Variants in RELN observed in about 807,000 individuals in gnomAD.
The protein encoded by RELN is reelin.
A neutral mutation model predicts 427.6 loss-of-function variants in RELN; 108 were observed. The ratio of observed to expected loss-of-function variants is 0.25; its 90% confidence interval spans 0.22 to 0.30. The LOEUF (loss-of-function observed/expected upper bound fraction) is 0.30, where lower values mean the gene tolerates loss of function less well. RELN is among the 10% of genes least tolerant of loss of function. The pLI, the probability that RELN is intolerant of heterozygous loss-of-function variation, is 1.00. For missense variants in RELN, 3,715 were observed against 4,302.8 expected (o/e 0.86, Z 3.82); for synonymous variants, 1,524 against 1,513.4 (o/e 1.01, Z -0.16).
chr7:103,861,168 T>C (rs1381811664), intron 2 of RELN, among the ~76,000 whole-genome samples: 1 of 152,180 alleles, frequency 6.6e-6, no homozygotes. Flanking sequence ...TTGAAGGTAC[T>C]AAGATTCCTA....
chr7:103,777,166 T>C (rs1791765168), intron 3 of RELN, among the ~76,000 whole-genome samples: 1 of 152,156 alleles, frequency 6.6e-6, no homozygotes, highest in African/African-American at 2.4e-5. Flanking sequence ...GATTCACTAT[T>C]TGAAGGAGAT....
At chr7:103,736,291 G>A (rs528223853) in intron 6 of RELN, among the ~76,000 whole-genome samples, 2 of 152,240 alleles carry the variant, frequency 1.3e-5, no homozygotes, top group African/African-American at 4.8e-5. Flanking sequence ...ACACCTGTAA[G>A]CAATTTACAT....
rs186571791 is a variant in RELN, at chr7:103,891,531, T to C, written c.337+25544A>G. Among the ~76,000 whole-genome samples the C allele has an allele frequency of 1.7e-4, 26 of 152,194 alleles. No homozygotes were observed. The East Asian group carries it at 4.1e-3, about 24-fold the overall frequency. On this transcript the variant is annotated intron_variant, in intron 2 of 64. Coordinates refer to ENST00000428762, the MANE Select transcript of RELN (RefSeq NM_005045.4). ...TTAAATGGGTGACTCCTCCTGCAGA[T>C]TTTATTCCCAGCTTTTTGGCGAATT...
At chr7:103,634,134 A>G (rs1366670840) in intron 19 of RELN, among the ~76,000 whole-genome samples, 1 of 152,206 alleles carries the variant, frequency 6.6e-6, no homozygotes, top group African/African-American at 2.4e-5. Flanking sequence ...ACTGTAAAAT[A>G]TATAAAATAT....
intron 3 of RELN, among the ~76,000 whole-genome samples, chr7:103,828,692 T>G (rs949795688): frequency 6.6e-6 from 1 of 151,944 alleles, no homozygotes; most frequent in African/African-American, 2.4e-5. Flanking sequence ...ATGATCAATA[T>G]CCATATATCA....
intron 3 of RELN, among the ~76,000 whole-genome samples, chr7:103,804,258 T>A (rs1335237145): frequency 6.6e-6 from 1 of 152,174 alleles, no homozygotes; most frequent in East Asian, 1.9e-4. Flanking sequence ...TATTCTAAAT[T>A]ATGTCTAACA....
chr7:103,592,921 A>G (rs1205875818), intron 27 of RELN, among the ~76,000 whole-genome samples: 2 of 152,218 alleles, frequency 1.3e-5, no homozygotes, highest in African/African-American at 2.4e-5. Flanking sequence ...CATATTATTT[A>G]TGACTCACTT....
chr7:103,499,573 GATTT>G (rs1354874176), intron 53 of RELN, among the ~76,000 whole-genome samples: 1 of 151,946 alleles, frequency 6.6e-6, no homozygotes, highest in Non-Finnish European at 1.5e-5. Flanking sequence ...TAGTTAAAAT[GATTT>G]AAACAGTTTC....
chr7:103,861,928 G>A (rs1794079829), intron 2 of RELN, among the ~76,000 whole-genome samples: 1 of 152,078 alleles, frequency 6.6e-6, no homozygotes, highest in Non-Finnish European at 1.5e-5. Flanking sequence ...TTTGGTCTTT[G>A]GAGGATGTTT....
intron 2 of RELN, among the ~76,000 whole-genome samples, chr7:103,908,975 T>C (rs1293475482): frequency 1.3e-5 from 2 of 152,230 alleles, no homozygotes; most frequent in Non-Finnish European, 2.9e-5. Flanking sequence ...TCCTCAAGTA[T>C]GCTTAAATTG....
At chr7:103,639,487 C>A (rs1832653639) in intron 17 of RELN, among the ~76,000 whole-genome samples, 1 of 151,130 alleles carries the variant, frequency 6.6e-6, no homozygotes, top group African/African-American at 2.4e-5. Context: ...GCAACCTCTA[C>A]CTCCCGGGTT....
intron 6 of RELN, among the ~76,000 whole-genome samples, chr7:103,735,385 G>A (rs1790465633): frequency 6.6e-6 from 1 of 151,788 alleles, no homozygotes; most frequent in Admixed American, 6.6e-5. Context: ...TAAATTATTA[G>A]GCATGAAAAT....
rs780509434 is a variant in RELN at position 103,472,881 on chromosome 7, A to G, written c.10314T>C (p.Asn3438=). The G allele has an allele frequency of 6.2e-7, 1 of 1,613,944 alleles. No individual in the cohort carries two copies. Among genetic ancestry groups the G allele is most frequent in the Non-Finnish European group, 8.5e-7 (1 of 1,179,850 alleles). Residue 3438 remains asparagine (N), a synonymous_variant, in exon 65 of 65, where the codon AAT becomes AAC. Coordinates refer to ENST00000428762, the MANE Select transcript of RELN (RefSeq NM_005045.4). The stretch of plus-strand genomic sequence containing the variant: ...GTCTGAGCCCATGTTGTCGTGAAAA[A>G]TTCATCATGTAATTTTGTTTGCGAG... ...VSTRKQNYMM[N]FSRQHGLRHF...
intron 2 of RELN, among the ~76,000 whole-genome samples, chr7:103,863,344 T>A (rs1000950904): frequency 6.6e-6 from 1 of 152,168 alleles, no homozygotes; most frequent in East Asian, 1.9e-4. Context: ...CCTGGAAGCA[T>A]CTGACCTAAT....
chr7:103,503,605 A>T (rs1456284745), intron 51 of RELN, among the ~76,000 whole-genome samples: 1 of 152,188 alleles, frequency 6.6e-6, no homozygotes, highest in Non-Finnish European at 1.5e-5. Flanking sequence ...AGCTTTACCA[A>T]TTTTACTATT....
intron 62 of RELN, 57 bp from the exon 63 acceptor site, chr7:103,483,028 T>C: frequency 2.9e-6 from 4 of 1,374,910 alleles, no homozygotes; most frequent in Non-Finnish European, 3.1e-6. Context: ...AACTTTTTGG[T>C]ATTTGACTTC....
chr7:103,871,295 C>T (rs541931838), intron 2 of RELN, among the ~76,000 whole-genome samples: 62 of 152,084 alleles, frequency 4.1e-4, no homozygotes, highest in African/African-American at 1.2e-3. Context: ...TCTTTAAGAA[C>T]TATCTTTTGT....
chr7:103,927,555 T>G (rs1260761787), intron 1 of RELN, among the ~76,000 whole-genome samples: 1 of 152,188 alleles, frequency 6.6e-6, no homozygotes, highest in Non-Finnish European at 1.5e-5. Context: ...GCATCTGATA[T>G]TTGGGAAAGT....
intron 38 of RELN, among the ~76,000 whole-genome samples, chr7:103,555,725 G>A (rs1395842582): frequency 1.3e-5 from 2 of 151,962 alleles, no homozygotes; most frequent in Non-Finnish European, 2.9e-5. Context: ...CACCTGCCTC[G>A]GCCTCCCAAA....
Sources: allele counts gnomAD v4.1 joint callset (sites outside exome capture counted in the v4.1 genomes callset), GRCh38; gene constraint gnomAD v4.1.1; transcripts MANE v1.5; gene names NCBI Gene and HGNC (gene_info 2026-07-23, HGNC 2026-07-21).